The following TEKT5 variants were observed in gnomAD, a reference collection of about 807,000 sequenced individuals.
TEKT5 encodes the protein tektin-5.
TEKT5 carries 52 observed loss-of-function variants against 48.7 expected under a neutral mutation model. That is an observed-to-expected ratio of 1.07 (90% confidence interval 0.86 to 1.35). The LOEUF is 1.35. TEKT5 is among the 40% of genes most tolerant of loss of function. The pLI is 0.00. For synonymous variants in TEKT5, 318 were observed against 267.6 expected, an observed-to-expected ratio of 1.19 and a Z score of -1.84; for missense variants, 831 against 641.6, an observed-to-expected ratio of 1.30 and a Z score of -3.19.
chr16:10,627,624 T>A lies in TEKT5; in HGVS notation c.1417A>T (p.Lys473Ter), dbSNP rs769961400. 4.3e-6 allele frequency: 7 copies of A among 1,614,084 alleles called. No homozygotes were observed. In the East Asian group the frequency reaches 1.1e-4, roughly 26 times the overall value. The change falls in exon 7 of 7, where the codon AAG (lysine) becomes TAG (stop). Residue 473 changes from lysine to a stop codon, truncating the protein, a stop_gained. Transcript: ENST00000283025. LOFTEE classifies it high-confidence loss of function. ...IDKEKCMGMR[K>*]TFPCTPRLVG... ...AGGCGCGGGGTGCAGGGGAAGGTCTTACGCATGCCCATGCACTTCTCCTTG... is the reference window on the plus strand; with the variant it reads ...AGGCGCGGGGTGCAGGGGAAGGTCTAACGCATGCCCATGCACTTCTCCTTG...
At chr16:10,661,645 T>A (rs765644453) in intron 5 of TEKT5, among the ~76,000 whole-genome samples, 3 of 152,102 alleles carry the variant, frequency 2.0e-5, no homozygotes, top group Admixed American at 6.5e-5. Context: ...ATCCAAAAGA[T>A]GAAGTAGGAA....
chr16:10,646,614 A>G (rs1263011314), intron 5 of TEKT5, among the ~76,000 whole-genome samples: 1 of 152,206 alleles, frequency 6.6e-6, no homozygotes, highest in Admixed American at 6.5e-5. Context: ...TCAAAGAATC[A>G]AAGTCCTGGC....
Position 10,681,176 on chromosome 16 carries a change from A to T in TEKT5, c.863+817T>A, listed in dbSNP as rs114835886. ...AAGCACTTGATAAATGTTGGCTGTGATTATTCTATACTAGGCTCTGTGCTT... is the reference window on the plus strand; with the variant it reads ...AAGCACTTGATAAATGTTGGCTGTGTTTATTCTATACTAGGCTCTGTGCTT... On this transcript the variant is annotated intron_variant, in intron 4 of 6. Transcript: ENST00000283025. Among the ~76,000 whole-genome samples the T allele has an allele frequency of 9.0e-3, 1,374 of 152,208 alleles. 21 individuals carry two copies. The highest frequency in any genetic ancestry group is 0.031 in the African/African-American group (1,294 of 41,528).
chr16:10,681,370 A>ACTCTCTCTCTCTCTCT lies in TEKT5; in HGVS notation c.863+622_863+623insAGAGAGAGAGAGAGAG, dbSNP rs1458051750. 1.4e-5 allele frequency among the ~76,000 whole-genome samples: 2 copies of ACTCTCTCTCTCTCTCT among 147,950 alleles called. 1 individual carries two copies. The highest frequency in any genetic ancestry group is 5.0e-5 in the African/African-American group (2 of 39,874). ...GCCACGTAGCCTGGCTCCAGATTCCACTCTCTGTCTCTCTCTCTCTCTCTC... is the reference window on the plus strand; with the variant it reads ...GCCACGTAGCCTGGCTCCAGATTCCACTCTCTCTCTCTCTCTCTCTCTGTCTCTCTCTCTCTCTCTC... On this transcript the variant is annotated intron_variant, in intron 4 of 6. Transcript: ENST00000283025.
At chr16:10,632,881 C>T (rs1036637312) in intron 6 of TEKT5, among the ~76,000 whole-genome samples, 1,525 of 147,488 alleles carry the variant, frequency 0.01, 31 homozygotes, top group East Asian at 0.038. Flanking sequence ...CACACACACA[C>T]ACACACACAC....
At position 10,652,868 on chromosome 16, in the gene TEKT5, C is replaced by T. The variant is rs62025790; in HGVS notation, c.1087-16950G>A. Among the ~76,000 whole-genome samples, 181 of 58,422 alleles carry T rather than the reference C, an allele frequency of 3.1e-3. 17 individuals are homozygous for T. The highest frequency in any genetic ancestry group is 0.017 in the African/African-American group (78 of 4,486). 38.3% of individuals were successfully genotyped at this position (58,422 alleles called of 152,430 possible). The stretch of plus-strand genomic sequence containing the variant: ...ACACACACACACACACACACACACA[C>T]ACCCTCCAGGTCAGGTAGAGCGATC... On this transcript the variant is annotated intron_variant, in intron 5 of 6. Coordinates refer to ENST00000283025, the MANE Select transcript of TEKT5 (RefSeq NM_144674.2).
At chr16:10,668,615 C>T (rs1386215037) in intron 5 of TEKT5, among the ~76,000 whole-genome samples, 2 of 152,158 alleles carry the variant, frequency 1.3e-5, no homozygotes, top group African/African-American at 4.8e-5. Flanking sequence ...CCCTCAGACG[C>T]CAGGCCTTCC....
At position 10,689,258 on chromosome 16, in the gene TEKT5, C is replaced by A. The variant is rs1898921061; in HGVS notation, c.714G>T (p.Gln238His). 1.2e-6 allele frequency: 2 copies of A among 1,605,298 alleles called. No homozygotes were observed. The highest frequency in any genetic ancestry group is 2.7e-5 in the African/African-American group (2 of 74,224). Residue 238 changes from glutamine (Q) to histidine (H), a missense_variant, in exon 3 of 7, where the codon CAG (glutamine) becomes CAT (histidine). Physicochemically the swap from Gln to His is conservative, Grantham distance 24. Transcript: ENST00000283025. ...AAAAAAAAAAAAGCCCTTACCGCAT[C>A]TGGATATCAATTCTTTGAGCTAATT... The part of the protein sequence containing the change: ...MRKLAQRIDI[Q>H]MRDNRDAQHV...
chr16:10,675,512 C>T lies in TEKT5; in HGVS notation c.1086+447G>A, dbSNP rs539533185. Among the ~76,000 whole-genome samples the T allele has an allele frequency of 1.1e-4, 16 of 152,318 alleles. No individual in the cohort carries two copies. The South Asian group carries it at 1.4e-3, about 14-fold the overall frequency. ...CTCAGATCCAAAAAGCACCCCACCC[C>T]TCAGCAGGGAACCTTTAGACTGTTA... On this transcript the variant is annotated intron_variant, in intron 5 of 6. Coordinates refer to ENST00000283025, the MANE Select transcript of TEKT5 (RefSeq NM_144674.2).
intron 5 of TEKT5, among the ~76,000 whole-genome samples, chr16:10,667,295 G>A (rs985154978): frequency 1.8e-4 from 28 of 152,146 alleles, no homozygotes; most frequent in Admixed American, 9.8e-4. Context: ...CCTTCCTTAC[G>A]TATGTTAAAG....
At chr16:10,652,409 A>ACC (rs1898173087) in intron 5 of TEKT5, among the ~76,000 whole-genome samples, 1 of 149,054 alleles carries the variant, frequency 6.7e-6, no homozygotes, top group Non-Finnish European at 1.5e-5. Context: ...ACACACACAC[A>ACC]CCCTCCAGGC....
intron 5 of TEKT5, among the ~76,000 whole-genome samples, chr16:10,647,884 G>A (rs949516835): frequency 6.6e-6 from 1 of 152,222 alleles, no homozygotes; most frequent in East Asian, 1.9e-4. Flanking sequence ...CAGTGGATCC[G>A]AGTAACCACA....
rs1254656054 is a variant in TEKT5, at chr16:10,627,656, C to G, written c.1385G>C (p.Cys462Ser). The G allele has an allele frequency of 6.2e-7, 1 of 1,614,194 alleles. No individual in the cohort carries two copies. Among genetic ancestry groups the G allele is most frequent in the Non-Finnish European group, 8.5e-7 (1 of 1,180,036 alleles). ...GCCCATGCACTTCTCCTTGTCGATG[C>G]AGAGGGTGTTGGCCTTGATGGCGAG... ...HELAIKANTL[C>S]IDKEKCMGMR... The change falls in exon 7 of 7, where the codon TGC becomes TCC. Residue 462 changes from cysteine to serine, a missense_variant. Physicochemically the swap from Cys to Ser is moderately radical, Grantham distance 112. Coordinates refer to ENST00000283025, the MANE Select transcript of TEKT5 (RefSeq NM_144674.2).
chr16:10,657,588 A>C (rs1376330147), intron 5 of TEKT5, among the ~76,000 whole-genome samples: 1 of 145,558 alleles, frequency 6.9e-6, no homozygotes, highest in East Asian at 2.1e-4. Flanking sequence ...TTCCCCTTTC[A>C]ATTTTTTTTT....
chr16:10,682,142 G>T lies in TEKT5; in HGVS notation c.720-6C>A. 6.2e-7 allele frequency: 1 copy of T among 1,613,868 alleles called. No homozygotes were observed. ...GCTGAGCATCCCGGTTATCCCTGCA[G>T]GGAGGGAGGAGTCATTCCTGGACTA... On this transcript the variant is annotated splice_polypyrimidine_tract_variant and splice_region_variant and intron_variant, in intron 3 of 6. Coordinates refer to ENST00000283025, the MANE Select transcript of TEKT5 (RefSeq NM_144674.2).
chr16:10,676,818 G>T (rs371584329), intron 4 of TEKT5, among the ~76,000 whole-genome samples: 1 of 152,240 alleles, frequency 6.6e-6, no homozygotes, highest in African/African-American at 2.4e-5. Flanking sequence ...TCCTCATGGC[G>T]GTTAAGTGCC....
At chr16:10,692,440 G>A (rs143466755) in intron 1 of TEKT5, among the ~76,000 whole-genome samples, 1 of 152,142 alleles carries the variant, frequency 6.6e-6, no homozygotes, top group African/African-American at 2.4e-5. Flanking sequence ...AGGCTTCCAG[G>A]CAAGAGGTCC....
intron 5 of TEKT5, 93 bp downstream of exon 5, chr16:10,675,866 G>A: frequency 7.7e-7 from 1 of 1,291,302 alleles, no homozygotes; most frequent in Non-Finnish European, 1.1e-6. Context: ...GGCACCAGGG[G>A]CAGGGCCAGC....
intron 5 of TEKT5, among the ~76,000 whole-genome samples, chr16:10,672,194 T>C (rs1046742289): frequency 6.6e-6 from 1 of 151,298 alleles, no homozygotes; most frequent in Non-Finnish European, 1.5e-5. Flanking sequence ...ATAATAAAAA[T>C]GGGTCTTTGC....
Sources: allele counts gnomAD v4.1 joint callset (sites outside exome capture counted in the v4.1 genomes callset), GRCh38; gene constraint gnomAD v4.1.1; transcripts MANE v1.5; gene names NCBI Gene and HGNC (gene_info 2026-07-23, HGNC 2026-07-21).